The following DNTT variants were observed in gnomAD, a reference collection of about 807,000 sequenced individuals.
The protein encoded by DNTT is nucleosidetriphosphate:DNA deoxynucleotidylexotransferase.
In DNTT, 47 loss-of-function variants were observed where a neutral mutation model predicts 60.9. The observed-to-expected ratio is 0.77, with a 90% CI of 0.61 to 0.98. The LOEUF (loss-of-function observed/expected upper bound fraction) is 0.98, where lower values mean the gene tolerates loss of function less well. Ranked by LOEUF, DNTT falls within the 50% of genes least tolerant of loss-of-function variation. The pLI is 0.00. For synonymous variants in DNTT, 224 were observed against 221.2 expected (o/e 1.01, Z -0.11); for missense variants, 665 against 627.5 (o/e 1.06, Z -0.64).
At chr10:96,329,392 T>C (rs552904379) in intron 8 of DNTT, among the ~76,000 whole-genome samples, 1 of 152,312 alleles carries the variant, frequency 6.6e-6, no homozygotes, top group South Asian at 2.1e-4. Context: ...GAAACCAAAG[T>C]AAGCTAAGCT....
chr10:96,320,549 C>A, intron 3 of DNTT, 69 bp from the exon 4 acceptor site: 1 of 1,549,656 alleles, frequency 6.5e-7, no homozygotes, highest in Non-Finnish European at 8.8e-7. Flanking sequence ...GAGCAAGAGG[C>A]GTTTGTGAGT....
At position 96,318,588 on chromosome 10, in the gene DNTT, G is replaced by T. The variant is rs1844821527; in HGVS notation, c.378+62G>T. 22 of 1,560,110 alleles carry T rather than the reference G, an allele frequency of 1.4e-5. 1 individual carries two copies. In the South Asian group the frequency reaches 2.7e-4, roughly 19 times the overall value. On this transcript the variant is annotated intron_variant, in intron 2 of 10. Coordinates refer to ENST00000371174, the MANE Select transcript of DNTT (RefSeq NM_004088.4). The stretch of plus-strand genomic sequence containing the variant: ...TTGATGGTTAAGAACATAGGCTTAG[G>T]ATCAACGGAGCTGGGGTAAACCCTA...
intron 10 of DNTT, among the ~76,000 whole-genome samples, chr10:96,336,963 T>C (rs1331885214): frequency 7.7e-5 from 10 of 129,786 alleles, no homozygotes; most frequent in East Asian, 2.1e-4. Flanking sequence ...AAAAAAGTAA[T>C]GATCATTTCC....
Position 96,320,711 on chromosome 10 carries a change from C to A in DNTT, c.601C>A (p.Leu201Met), listed in dbSNP as rs1450457511. 6.2e-7 allele frequency: 1 copy of A among 1,613,740 alleles called. No homozygotes were observed. The highest frequency in any genetic ancestry group is 1.3e-5 in the African/African-American group (1 of 74,872). Reference sequence around the variant, plus strand: ...GAGAGCAGCTTCTGTATTGAAATCTCTGCCATTCACAATCATCAGTATGAA... The same window carrying A: ...GAGAGCAGCTTCTGTATTGAAATCTATGCCATTCACAATCATCAGTATGAA... ...FMRAASVLKS[L>M]PFTIISMKDT... The change falls in exon 4 of 11, where the codon CTG becomes ATG. Residue 201 changes from leucine to methionine, a missense_variant. Leu to Met is a conservative substitution (Grantham distance 15). Coordinates refer to ENST00000371174, the MANE Select transcript of DNTT (RefSeq NM_004088.4).
At chr10:96,307,751 G>T in intron 1 of DNTT, among the ~76,000 whole-genome samples, 1 of 137,110 alleles carries the variant, frequency 7.3e-6, no homozygotes, top group African/African-American at 2.7e-5. Flanking sequence ...ATATGTGTGT[G>T]TGTGTGCATA....
At chr10:96,309,980 C>G (rs1230735336) in intron 1 of DNTT, among the ~76,000 whole-genome samples, 1 of 152,228 alleles carries the variant, frequency 6.6e-6, no homozygotes, top group Non-Finnish European at 1.5e-5. Context: ...AGCAACCCTT[C>G]AAAGAGGTAA....
intron 4 of DNTT, 139 bp downstream of exon 4, chr10:96,320,927 C>T: frequency 2.2e-6 from 2 of 908,224 alleles, no homozygotes; most frequent in South Asian, 1.8e-5. Flanking sequence ...ATATTCCTCT[C>T]TCTCTCCTCT....
chr10:96,324,208 C>T, intron 5 of DNTT, 58 bp from the exon 6 acceptor site: 2 of 1,568,730 alleles, frequency 1.3e-6, no homozygotes, highest in Non-Finnish European at 1.7e-6. Context: ...AGGGTCATGA[C>T]TCGGATGTTA....
Position 96,328,739 on chromosome 10 carries a change from G to A in DNTT, c.1022G>A (p.Gly341Glu). 2 of 1,613,336 alleles carry A rather than the reference G, an allele frequency of 1.2e-6. No individual in the cohort carries two copies. The highest frequency in any genetic ancestry group is 2.2e-5 in the East Asian group (1 of 44,842). The change falls in exon 8 of 11, where the codon GGG becomes GAG. Residue 341 changes from glycine to glutamate, a missense_variant. Gly to Glu is a moderately conservative substitution (Grantham distance 98, BLOSUM62 -2). Coordinates refer to ENST00000371174, the MANE Select transcript of DNTT (RefSeq NM_004088.4). The stretch of plus-strand genomic sequence containing the variant: ...TTGAAAATTAGGGGTAAGAAGATGG[G>A]GCATGATGTAGATTTTTTAATTACC... ...TGGFRRGKKM[G>E]HDVDFLITSP...
chr10:96,316,138 C>A (rs1193838584), intron 1 of DNTT, among the ~76,000 whole-genome samples: 1 of 152,174 alleles, frequency 6.6e-6, no homozygotes, highest in Non-Finnish European at 1.5e-5. Context: ...CACCGCTCCA[C>A]CCCTTCCCCC....
At chr10:96,314,046 A>G (rs1844753988) in intron 1 of DNTT, among the ~76,000 whole-genome samples, 1 of 152,236 alleles carries the variant, frequency 6.6e-6, no homozygotes. Flanking sequence ...GGGCAGTTCT[A>G]CATGTCCTGT....
chr10:96,321,075 A>G (rs1844866323), intron 4 of DNTT, among the ~76,000 whole-genome samples: 1 of 152,136 alleles, frequency 6.6e-6, no homozygotes, highest in Non-Finnish European at 1.5e-5. Context: ...GGCAGGTGTC[A>G]GAGTTACCGA....
At position 96,327,590 on chromosome 10, in the gene DNTT, G is replaced by A; in HGVS notation, c.997G>A (p.Gly333Arg). Residue 333 changes from glycine (G) to arginine (R), a missense_variant, in exon 7 of 11, where the codon GGG (glycine) becomes AGG (arginine). Physicochemically the swap from Gly to Arg is moderately radical, Grantham distance 125 (BLOSUM62 -2). Coordinates refer to ENST00000371174, the MANE Select transcript of DNTT (RefSeq NM_004088.4). ...GGATGCTTTCGTCACCATGACAGGA[G>A]GGTTCCGGAGGTAAATAACTTGGGT... ...LPDAFVTMTG[G>R]FRRGKKMGHD... The A allele has an allele frequency of 6.2e-7, 1 of 1,613,100 alleles. No homozygotes were observed. The highest frequency in any genetic ancestry group is 8.5e-7 in the Non-Finnish European group (1 of 1,179,636).
At chr10:96,315,437 T>C (rs917646986) in intron 1 of DNTT, among the ~76,000 whole-genome samples, 2 of 152,198 alleles carry the variant, frequency 1.3e-5, no homozygotes, top group African/African-American at 4.8e-5. Flanking sequence ...TATTGCTCTT[T>C]TGTTTTGTTT....
chr10:96,328,023 G>A (rs1325051609), intron 7 of DNTT, among the ~76,000 whole-genome samples: 1 of 152,168 alleles, frequency 6.6e-6, no homozygotes, highest in Non-Finnish European at 1.5e-5. Context: ...GTTCCTGTGT[G>A]TGGTTTCTCC....
intron 6 of DNTT, among the ~76,000 whole-genome samples, chr10:96,325,043 G>T (rs892572962): frequency 6.6e-6 from 1 of 152,184 alleles, no homozygotes; most frequent in Non-Finnish European, 1.5e-5. Context: ...GCCTGGCAGG[G>T]CCTCTCAGAG....
At chr10:96,318,919 A>G (rs1844826679) in intron 2 of DNTT, among the ~76,000 whole-genome samples, 1 of 152,222 alleles carries the variant, frequency 6.6e-6, no homozygotes. Flanking sequence ...TCAGAAAACA[A>G]AACAAAACAA....
chr10:96,316,229 G>A (rs896118243), intron 1 of DNTT, among the ~76,000 whole-genome samples: 9 of 152,138 alleles, frequency 5.9e-5, no homozygotes, highest in African/African-American at 2.2e-4. Flanking sequence ...AGTAATATTT[G>A]ACTCCCTCCC....
Position 96,314,634 on chromosome 10 carries a change from G to A in DNTT, c.204-3718G>A, listed in dbSNP as rs186919673. ...TCACCGTGTTAGCCAGGATGGTCTT[G>A]ATCTCCTGACCTCATGATCTGCCCC... On this transcript the variant is annotated intron_variant, in intron 1 of 10. Transcript: ENST00000371174. Among the ~76,000 whole-genome samples the A allele has an allele frequency of 1.3e-4, 19 of 150,600 alleles. No homozygotes were observed. The East Asian group carries it at 2.7e-3, about 22-fold the overall frequency.
Sources: allele counts gnomAD v4.1 joint callset (sites outside exome capture counted in the v4.1 genomes callset), GRCh38; gene constraint gnomAD v4.1.1; transcripts MANE v1.5; gene names NCBI Gene and HGNC (gene_info 2026-07-23, HGNC 2026-07-21).